The following ACYP2 variants were observed in gnomAD, a reference collection of about 807,000 sequenced individuals.
ACYP2 encodes acylphosphatase-2.
In ACYP2, 12 loss-of-function variants were observed where a neutral mutation model predicts 11.2. The observed-to-expected ratio is 1.08, with a 90% CI of 0.69 to 1.74. ACYP2 has a LOEUF of 1.74. ACYP2 is among the 40% of genes most tolerant of loss of function. The pLI, the probability that ACYP2 is intolerant of heterozygous loss-of-function variation, is 0.00. For synonymous variants in ACYP2, 43 were observed against 32.2 expected (o/e 1.33, Z -1.13); for missense variants, 134 against 101.9 (o/e 1.31, Z -1.35).
Position 54,057,235 on chromosome 2 carries a change from C to T in ACYP2, c.156-4C>T, listed in dbSNP as rs1676200994. The T allele has an allele frequency of 5.0e-6, 2 of 397,718 alleles. No individual in the cohort carries two copies. Among genetic ancestry groups the T allele is most frequent in the Non-Finnish European group, 8.9e-6 (2 of 225,558 alleles). The allele number at this position is 397,718 out of a possible 1,614,324, so 24.6% of individuals were successfully genotyped here. ...CTTACTGTTCTCACATATTTTGTTT[C>T]CAGCTATAAATTCATACAATTATCA... is the stretch of plus-strand genomic sequence containing the variant. On this transcript the variant is annotated splice_region_variant and splice_polypyrimidine_tract_variant and intron_variant, in intron 3 of 6. Transcript: ENST00000607452.
rs147056728 is a variant in ACYP2, at chr2:54,295,980, C to T, written c.405-8708C>T. Among the ~76,000 whole-genome samples, 218 of 152,262 alleles carry T rather than the reference C, an allele frequency of 1.4e-3. 2 individuals are homozygous for T. The highest frequency in any genetic ancestry group is 6.8e-3 in the Middle Eastern group (2 of 294). On this transcript the variant is annotated intron_variant, in intron 6 of 6. Coordinates refer to ENST00000607452, the MANE Select transcript of ACYP2 (RefSeq NM_001320586.2). ...TTCACCATGTTAGCCAGGATGGTCT[C>T]GCATTCCTGGCCTCAAGTGATCTGC...
At chr2:53,973,306 A>C (rs1671263605) in intron 1 of ACYP2, among the ~76,000 whole-genome samples, 1 of 152,218 alleles carries the variant, frequency 6.6e-6, no homozygotes, top group Non-Finnish European at 1.5e-5. Flanking sequence ...CTTTTAAAAA[A>C]TAATGGGGTA....
chr2:54,038,234 T>G (rs1675013846), intron 2 of ACYP2, among the ~76,000 whole-genome samples: 1 of 152,180 alleles, frequency 6.6e-6, no homozygotes, highest in South Asian at 2.1e-4. Flanking sequence ...TTTGGCCTGG[T>G]AGACACCTCC....
chr2:54,073,472 C>T (rs1184072193), intron 4 of ACYP2, among the ~76,000 whole-genome samples: 1 of 152,032 alleles, frequency 6.6e-6, no homozygotes, highest in African/African-American at 2.4e-5. Flanking sequence ...TTTGGAAAGG[C>T]AATGCTTTCT....
chr2:54,172,582 C>T (rs761661708), intron 6 of ACYP2, among the ~76,000 whole-genome samples: 2 of 152,152 alleles, frequency 1.3e-5, no homozygotes, highest in Non-Finnish European at 2.9e-5. Context: ...ATAAATTGAA[C>T]TCTACTAATC....
At chr2:54,221,279 C>G (rs1339132152) in intron 6 of ACYP2, among the ~76,000 whole-genome samples, 3 of 152,136 alleles carry the variant, frequency 2.0e-5, no homozygotes, top group African/African-American at 7.2e-5. Context: ...TTGTAAGTCA[C>G]TAAATTTGGG....
intron 6 of ACYP2, among the ~76,000 whole-genome samples, chr2:54,242,764 A>T (rs1426504836): frequency 1.3e-5 from 2 of 152,240 alleles, no homozygotes; most frequent in South Asian, 2.1e-4. Context: ...GTAGCCTAGG[A>T]GCAAATAGGT....
At chr2:54,108,239 T>C (rs1247945550) in intron 4 of ACYP2, among the ~76,000 whole-genome samples, 1 of 152,204 alleles carries the variant, frequency 6.6e-6, no homozygotes, top group African/African-American at 2.4e-5. Context: ...ACATGAGGAA[T>C]CTTAATTGCA....
At chr2:54,048,119 A>AT (rs1192854887) in intron 2 of ACYP2, among the ~76,000 whole-genome samples, 2 of 152,122 alleles carry the variant, frequency 1.3e-5, no homozygotes, top group African/African-American at 2.4e-5. Flanking sequence ...TTTTATATAT[A>AT]TTTTTTGTAA....
At chr2:54,257,354 TATTGA>T (rs1265702335) in intron 6 of ACYP2, among the ~76,000 whole-genome samples, 1 of 152,252 alleles carries the variant, frequency 6.6e-6, no homozygotes, top group Admixed American at 6.5e-5. Context: ...CAGCACTGTT[TATTGA>T]AAAGACAATT....
chr2:54,119,051 CTTTTTTTTTTTTTT>C (rs10542497), intron 4 of ACYP2, among the ~76,000 whole-genome samples: 19 of 43,772 alleles, frequency 4.3e-4, no homozygotes, highest in South Asian at 2.5e-3. Flanking sequence ...TCTTAGTAGT[CTTTTTTTTTTTTTT>C]TTTTTTTTTT....
intron 2 of ACYP2, among the ~76,000 whole-genome samples, chr2:54,007,608 G>A (rs1673146168): frequency 6.6e-6 from 1 of 152,108 alleles, no homozygotes; most frequent in African/African-American, 2.4e-5. Context: ...GCTCACACCT[G>A]TAATCCCAGC....
intron 6 of ACYP2, among the ~76,000 whole-genome samples, chr2:54,243,453 T>C (rs1305130698): frequency 2.6e-5 from 4 of 152,314 alleles, no homozygotes; most frequent in East Asian, 1.9e-4. Context: ...TATGGGACCA[T>C]TGTCATACAT....
chr2:54,227,432 AG>A (rs1686055288), intron 6 of ACYP2, among the ~76,000 whole-genome samples: 1 of 152,106 alleles, frequency 6.6e-6, no homozygotes, highest in Admixed American at 6.5e-5. Flanking sequence ...CGAGGTCAGG[AG>A]ATCGAGACCA....
chr2:54,065,437 A>G, intron 4 of ACYP2: 1 of 398,576 alleles, frequency 2.5e-6, no homozygotes, highest in African/African-American at 2.1e-5. Context: ...TTGGATGACC[A>G]ATTGTATGTA....
intron 6 of ACYP2, among the ~76,000 whole-genome samples, chr2:54,183,474 G>A (rs969437163): frequency 6.6e-6 from 1 of 151,922 alleles, no homozygotes; most frequent in Non-Finnish European, 1.5e-5. Context: ...TCAGGCTACA[G>A]TGAGCTGTGA....
At chr2:54,039,819 T>TTGTGTGTGTGTGTGTGTG (rs751604890) in intron 2 of ACYP2, among the ~76,000 whole-genome samples, 4 of 126,686 alleles carry the variant, frequency 3.2e-5, no homozygotes, top group South Asian at 6.0e-4. Flanking sequence ...TTGTTTTCTT[T>TTGTGTGTGTGTGTGTGTG]TGTGTGTGTG....
intron 4 of ACYP2, among the ~76,000 whole-genome samples, chr2:54,064,301 C>A (rs1676625117): frequency 6.6e-6 from 1 of 152,154 alleles, no homozygotes; most frequent in Non-Finnish European, 1.5e-5. Flanking sequence ...CTAGTCTCAG[C>A]CAGTCAACAC....
At chr2:54,017,296 A>C (rs1673749057) in intron 2 of ACYP2, among the ~76,000 whole-genome samples, 1 of 132,432 alleles carries the variant, frequency 7.6e-6, no homozygotes, top group East Asian at 2.1e-4. Flanking sequence ...TTTGAGACAG[A>C]GTCTCAGTCT....
Sources: gnomAD v4.1 joint callset for allele counts (sites outside exome capture counted in the v4.1 genomes callset) on GRCh38, gnomAD v4.1.1 for gene constraint, MANE v1.5 for transcripts, NCBI Gene and HGNC (gene_info 2026-07-23, HGNC 2026-07-21) for gene names.